Variants in RIMS2 observed in about 807,000 individuals in gnomAD.
The protein encoded by RIMS2 is regulating synaptic membrane exocytosis 2, also known as regulating synaptic membrane exocytosis protein 2.
In RIMS2, 59 loss-of-function variants were observed where a neutral mutation model predicts 174.4. That is an observed-to-expected ratio of 0.34 (90% CI 0.27 to 0.42). RIMS2 has a LOEUF of 0.42. RIMS2 is among the 10% of genes least tolerant of loss of function. RIMS2 has a pLI of 1.00. For missense variants in RIMS2, 1,620 were observed against 1,666.3 expected (o/e 0.97, Z 0.48); for synonymous variants, 606 against 572.5 (o/e 1.06, Z -0.84).
Position 104,243,394 on chromosome 8 carries a change from A to G in RIMS2, c.3335-1522A>G, listed in dbSNP as rs543519422. On this transcript the variant is annotated intron_variant, in intron 19 of 23. Transcript: ENST00000504942. ...TATCAGCAAATATTTATAGACCTAA[A>G]AATAACTTATTGCTGGGCACGATGG... 4.6e-5 allele frequency among the ~76,000 whole-genome samples: 7 copies of G among 152,304 alleles called. No individual in the cohort carries two copies. In the South Asian group the frequency reaches 1.5e-3, roughly 32 times the overall value.
intron 2 of RIMS2, among the ~76,000 whole-genome samples, chr8:103,731,747 T>G (rs2097598185): frequency 6.6e-6 from 1 of 152,176 alleles, no homozygotes; most frequent in Non-Finnish European, 1.5e-5. Context: ...GATGCATTCT[T>G]CAGTATGTCA....
At chr8:104,034,760 G>T (rs1169413389) in intron 19 of RIMS2, among the ~76,000 whole-genome samples, 1 of 152,040 alleles carries the variant, frequency 6.6e-6, no homozygotes, top group African/African-American at 2.4e-5. Flanking sequence ...ATGAGCTACG[G>T]TGCCCAGCCC....
At chr8:103,671,372 C>G (rs540733265) in intron 1 of RIMS2, among the ~76,000 whole-genome samples, 1 of 152,312 alleles carries the variant, frequency 6.6e-6, no homozygotes, top group Admixed American at 6.5e-5. Context: ...TCAGTGCTGG[C>G]TGATTTATTA....
At chr8:103,642,361 C>T (rs2096248162) in intron 1 of RIMS2, among the ~76,000 whole-genome samples, 1 of 152,060 alleles carries the variant, frequency 6.6e-6, no homozygotes, top group African/African-American at 2.4e-5. Flanking sequence ...TCTTCTGTAC[C>T]TTATAACATC....
At chr8:104,095,104 C>T (rs957322008) in intron 19 of RIMS2, among the ~76,000 whole-genome samples, 3 of 152,054 alleles carry the variant, frequency 2.0e-5, no homozygotes, top group Non-Finnish European at 4.4e-5. Flanking sequence ...AAAACTGCTT[C>T]AGACAAAAAT....
chr8:103,521,512 T>A (rs2130467054), intron 1 of RIMS2, among the ~76,000 whole-genome samples: 1 of 152,228 alleles, frequency 6.6e-6, no homozygotes, highest in East Asian at 1.9e-4. Flanking sequence ...TGAATAGATT[T>A]TCTCAGCCAT....
chr8:104,048,996 C>A (rs1231639336), intron 19 of RIMS2, among the ~76,000 whole-genome samples: 1 of 151,978 alleles, frequency 6.6e-6, no homozygotes, highest in East Asian at 1.9e-4. Flanking sequence ...ATAATACCCA[C>A]TTCTAGGATT....
chr8:104,245,092 G>A lies in RIMS2; in HGVS notation c.3476+35G>A, dbSNP rs371068332. On this transcript the variant is annotated intron_variant, in intron 20 of 23. Coordinates refer to ENST00000504942, the Ensembl canonical transcript of RIMS2. Reference sequence around the variant, plus strand: ...GCTGCATGTGATGTGTGTCTCCTCCGTGCCTCACCTATCTCACTCTATGTG... The same window carrying A: ...GCTGCATGTGATGTGTGTCTCCTCCATGCCTCACCTATCTCACTCTATGTG... 5.0e-6 allele frequency: 8 copies of A among 1,606,348 alleles called. No individual in the cohort carries two copies. The African/African-American group carries it at 6.7e-5, about 13-fold the overall frequency.
At chr8:104,251,902 C>T (rs2099360394), downstream of RIMS2, 2 of 807,044 alleles carry the variant, frequency 2.5e-6, no homozygotes, top group East Asian at 4.9e-5. Context: ...CCTGGTAACA[C>T]TGCATGCTTA....
At chr8:104,203,308 A>G (rs2099063708) in intron 19 of RIMS2, among the ~76,000 whole-genome samples, 1 of 152,140 alleles carries the variant, frequency 6.6e-6, no homozygotes, top group Non-Finnish European at 1.5e-5. Context: ...CTTTTAAAAT[A>G]GTAAATTTCT....
intron 4 of RIMS2, among the ~76,000 whole-genome samples, chr8:103,888,297 G>A (rs906296654): frequency 1.1e-4 from 17 of 151,398 alleles, no homozygotes; most frequent in Non-Finnish European, 2.1e-4. Flanking sequence ...GCATTCAAAT[G>A]ATAAATACTA....
chr8:103,867,395 A>G (rs1228264139), intron 3 of RIMS2, among the ~76,000 whole-genome samples: 1 of 151,766 alleles, frequency 6.6e-6, no homozygotes, highest in Non-Finnish European at 1.5e-5. Flanking sequence ...ATTTTGAAAA[A>G]TCTATTCTGA....
chr8:103,762,689 G>A (rs1388899511), intron 2 of RIMS2, among the ~76,000 whole-genome samples: 1 of 152,124 alleles, frequency 6.6e-6, no homozygotes, highest in African/African-American at 2.4e-5. Context: ...TACTACAATT[G>A]TGTTGCTAAT....
chr8:104,145,395 C>A (rs1566670168), intron 19 of RIMS2, among the ~76,000 whole-genome samples: 1 of 152,108 alleles, frequency 6.6e-6, no homozygotes, highest in African/African-American at 2.4e-5. Context: ...TGTAATACGT[C>A]TTTTCCTAGC....
chr8:103,893,433 C>CT (rs1193406358), intron 4 of RIMS2, among the ~76,000 whole-genome samples: 1 of 152,014 alleles, frequency 6.6e-6, no homozygotes, highest in African/African-American at 2.4e-5. Context: ...AAGCCTCAAC[C>CT]TTTTGGGTAT....
chr8:103,597,449 A>G (rs1196052915), intron 1 of RIMS2, among the ~76,000 whole-genome samples: 1 of 151,966 alleles, frequency 6.6e-6, no homozygotes, highest in African/African-American at 2.4e-5. Context: ...CTCCTGCTTC[A>G]GGTTCTACTT....
chr8:103,670,086 C>G (rs2096726457), intron 1 of RIMS2, among the ~76,000 whole-genome samples: 1 of 152,232 alleles, frequency 6.6e-6, no homozygotes, highest in African/African-American at 2.4e-5. Context: ...ACAAAGGTTC[C>G]CAAACCTCAA....
intron 14 of RIMS2, among the ~76,000 whole-genome samples, chr8:103,947,286 A>G (rs1232315493): frequency 6.6e-6 from 1 of 152,246 alleles, no homozygotes; most frequent in African/African-American, 2.4e-5. Flanking sequence ...TTTTCAAGAC[A>G]TCATTAAGAA....
Position 104,000,679 on chromosome 8 carries a change from TG to T in RIMS2, c.3044+11259del, listed in dbSNP as rs1320122230. Among the ~76,000 whole-genome samples the T allele has an allele frequency of 3.3e-5, 5 of 151,976 alleles. No homozygotes were observed. The East Asian group carries it at 7.7e-4, about 23-fold the overall frequency. ...TATTAATTTATATTTCCACCAGCAG[TG>T]TACAAGCACTCCCCTTTCTCTTCAT... On this transcript the variant is annotated intron_variant, in intron 17 of 23. Coordinates refer to ENST00000504942, the Ensembl canonical transcript of RIMS2.
Sources: gnomAD v4.1 joint callset for allele counts (sites outside exome capture counted in the v4.1 genomes callset) on GRCh38, gnomAD v4.1.1 for gene constraint, MANE v1.5 for transcripts, NCBI Gene and HGNC (gene_info 2026-07-23, HGNC 2026-07-21) for gene names.